Variants in ANXA6 observed in about 807,000 individuals in gnomAD.
ANXA6 encodes 67 kDa calelectrin.
ANXA6 carries 71 observed loss-of-function variants against 95.4 expected under a neutral mutation model. That is an observed-to-expected ratio of 0.74 (90% CI 0.61 to 0.91). The LOEUF is 0.91. Among genes scored for constraint, ANXA6 ranks in the 40% least tolerant of loss-of-function variants. The pLI is 0.00. For synonymous variants in ANXA6, 289 were observed against 315.9 expected (o/e 0.91, Z 0.90); for missense variants, 830 against 876.4 (o/e 0.95, Z 0.67).
At chr5:151,139,677 C>G (rs1765772925) in intron 3 of ANXA6, among the ~76,000 whole-genome samples, 1 of 152,214 alleles carries the variant, frequency 6.6e-6, no homozygotes, top group African/African-American at 2.4e-5. Context: ...CCTGATCCAG[C>G]TCCTCACTGC....
intron 7 of ANXA6, among the ~76,000 whole-genome samples, 153 bp from the exon 8 acceptor site, chr5:151,134,636 C>G (rs1394124710): frequency 1.3e-5 from 2 of 152,246 alleles, no homozygotes; most frequent in Non-Finnish European, 2.9e-5. Flanking sequence ...ACCACAGTAT[C>G]TATTTTGTGA....
At chr5:151,115,867 C>A (rs1228770355) in intron 20 of ANXA6, among the ~76,000 whole-genome samples, 2 of 152,156 alleles carry the variant, frequency 1.3e-5, no homozygotes, top group African/African-American at 4.8e-5. Flanking sequence ...CTGCAGGGGA[C>A]CTTAACTCTA....
At position 151,109,784 on chromosome 5, in the gene ANXA6, C is replaced by T. The variant is rs778484535; in HGVS notation, c.1653G>A (p.Leu551=). ...GGAGGTGCGGATAGCTCCGGGTACACAGGATCGTCATGAAACGTGTCTCCA... is the reference window on the plus strand; with the variant it reads ...GGAGGTGCGGATAGCTCCGGGTACATAGGATCGTCATGAAACGTGTCTCCA... ...TSLETRFMTI[L]CTRSYPHLRR... is the part of the protein sequence containing the mutation. The change falls in exon 22 of 26, where the codon CTG becomes CTA. Residue 551 remains leucine, a synonymous_variant. Coordinates refer to ENST00000354546, the MANE Select transcript of ANXA6 (RefSeq NM_001155.5). The T allele has an allele frequency of 6.2e-7, 1 of 1,611,670 alleles. No individual in the cohort carries two copies. The highest frequency in any genetic ancestry group is 1.7e-5 in the Admixed American group (1 of 59,748).
At chr5:151,128,737 T>C (rs1186461573) in intron 12 of ANXA6, among the ~76,000 whole-genome samples, 2 of 152,256 alleles carry the variant, frequency 1.3e-5, no homozygotes, top group Non-Finnish European at 2.9e-5. Flanking sequence ...GGCTTCATAA[T>C]GGACTTCAAA....
At chr5:151,128,321 G>T (rs1366494120) in intron 12 of ANXA6, 82 bp from the exon 13 acceptor site, 10 of 1,190,130 alleles carry the variant, frequency 8.4e-6, no homozygotes, top group Admixed American at 2.0e-5. Flanking sequence ...TGCACAGCCT[G>T]AAAGAGGGGA....
intron 8 of ANXA6, 60 bp downstream of exon 8, chr5:151,134,367 C>A (rs1467470660): frequency 1.2e-5 from 19 of 1,579,260 alleles, no homozygotes; most frequent in Non-Finnish European, 1.6e-5. Flanking sequence ...AGGGCCCCAA[C>A]CTCTCCCCTC....
At chr5:151,119,495 TCTC>T (rs1453243056) in intron 17 of ANXA6, 105 bp from the exon 18 acceptor site, 2 of 934,304 alleles carry the variant, frequency 2.1e-6, no homozygotes, top group South Asian at 1.4e-5. Flanking sequence ...TCCTGGATTT[TCTC>T]CTCACCTCCA....
In ANXA6 at chr5:151,125,280, GGCAGTGA is replaced by G. The variant is rs1326782582; in HGVS notation, c.1057-920_1057-914del. Among the ~76,000 whole-genome samples the G allele has an allele frequency of 2.0e-5, 3 of 149,512 alleles. No individual in the cohort carries two copies. In the East Asian group the frequency reaches 5.8e-4, roughly 29 times the overall value. The stretch of plus-strand genomic sequence containing the variant: ...AAGGATCACCTGAGCCTGGGGAGGT[GGCAGTGA>G]GCCATGATCATGCCACTGTACTCCA... On this transcript the variant is annotated intron_variant, in intron 14 of 25. Coordinates refer to ENST00000354546, the MANE Select transcript of ANXA6 (RefSeq NM_001155.5).
rs775776111 is a variant in ANXA6, at chr5:151,103,647, G to A, written c.1885C>T (p.Arg629Cys). Residue 629 changes from arginine to cysteine, a missense_variant, in exon 25 of 26, where the codon CGC becomes TGC. Transcript: ENST00000354546. ...EKTLTRIMVS[R>C]SEIDLLNIRR... ...ATGTTGAGCAGGTCAATCTCACTGC[G>A]GGATACCATGATCCTGGTCAGAGTC... 8.1e-6 allele frequency: 13 copies of A among 1,610,908 alleles called. No homozygotes were observed. Among genetic ancestry groups the A allele is most frequent in the South Asian group, 3.3e-5 (3 of 90,246 alleles).
chr5:151,133,738 A>G (rs979753821), intron 8 of ANXA6, among the ~76,000 whole-genome samples: 4 of 152,176 alleles, frequency 2.6e-5, no homozygotes, highest in Admixed American at 2.6e-4. Context: ...TTCTTTCTGG[A>G]GAAACTCCTA....
chr5:151,135,751 C>T (rs1161694674), intron 7 of ANXA6, among the ~76,000 whole-genome samples: 4 of 152,244 alleles, frequency 2.6e-5, no homozygotes, highest in African/African-American at 9.6e-5. Context: ...CAAAATCTCA[C>T]AATTTTTAAA....
intron 22 of ANXA6, among the ~76,000 whole-genome samples, chr5:151,108,979 A>G (rs2113896715): frequency 6.6e-6 from 1 of 152,104 alleles, no homozygotes; most frequent in South Asian, 2.1e-4. Context: ...GGAAACACTC[A>G]CTGAGTCAGG....
chr5:151,108,127 T>C (rs1228767435), intron 23 of ANXA6, among the ~76,000 whole-genome samples: 1 of 151,758 alleles, frequency 6.6e-6, no homozygotes, highest in Non-Finnish European at 1.5e-5. Context: ...GTATGTGTCT[T>C]GTATATGTTA....
At chr5:151,126,757 C>T (rs4444959) in intron 13 of ANXA6, among the ~76,000 whole-genome samples, 24,361 of 152,122 alleles carry the variant, frequency 0.16, 2,093 homozygotes, top group South Asian at 0.22. Context: ...GCTCTTGTCA[C>T]CCAGGCTGGG....
At chr5:151,132,657 G>C in intron 9 of ANXA6, 86 bp from the exon 10 acceptor site, 1 of 1,161,878 alleles carries the variant, frequency 8.6e-7, no homozygotes, top group South Asian at 1.4e-5. Flanking sequence ...GGGGGGCACA[G>C]TGGCCAGGAC....
chr5:151,124,294 T>A lies in ANXA6; in HGVS notation c.1130A>T (p.Lys377Met). The change falls in exon 15 of 26, where the codon AAG becomes ATG. Residue 377 changes from lysine to methionine, a missense_variant. By Grantham distance (95) the Lys-to-Met change is moderately conservative. Transcript: ENST00000354546. ...ADAKALRKAM[K>M]GLGTDEDTII... ...CTTCCCATCCCCCATACCGAGTCCC[T>A]TCATGGCTTTCCGCAGCGCTTTGGC... 6.2e-7 allele frequency: 1 copy of A among 1,613,560 alleles called. No homozygotes were observed. Among genetic ancestry groups the A allele is most frequent in the Non-Finnish European group, 8.5e-7 (1 of 1,179,734 alleles).
At chr5:151,140,321 GC>G (rs1318056601) in intron 2 of ANXA6, 78 bp from the exon 3 acceptor site, 26 of 1,210,366 alleles carry the variant, frequency 2.1e-5, no homozygotes, top group Non-Finnish European at 2.9e-5. Context: ...CAGGTCAGAT[GC>G]CTACCCTGGT....
intron 17 of ANXA6, among the ~76,000 whole-genome samples, chr5:151,119,606 C>G (rs545901241): frequency 6.6e-6 from 1 of 152,334 alleles, no homozygotes; most frequent in Admixed American, 6.5e-5. Context: ...CTTTGCCTTC[C>G]AGCCCCCCAA....
Position 151,128,242 on chromosome 5 carries a change from G to A in ANXA6, c.919-3C>T. ...TTGTACTCGCCAGAGGTGTCATTCT[G>A]AAGAGAAAGAAAGAAAGGTTACCTC... On this transcript the variant is annotated splice_polypyrimidine_tract_variant and splice_region_variant and intron_variant, in intron 12 of 25. Coordinates refer to ENST00000354546, the MANE Select transcript of ANXA6 (RefSeq NM_001155.5). 1 of 1,608,130 alleles carries A rather than the reference G, an allele frequency of 6.2e-7. No individual in the cohort carries two copies. The highest frequency in any genetic ancestry group is 1.7e-5 in the Admixed American group (1 of 59,424).
Sources: allele counts gnomAD v4.1 joint callset (sites outside exome capture counted in the v4.1 genomes callset), GRCh38; gene constraint gnomAD v4.1.1; transcripts MANE v1.5; gene names NCBI Gene and HGNC (gene_info 2026-07-23, HGNC 2026-07-21).